Variants in PLCG2 observed in about 807,000 individuals in gnomAD.
PLCG2 encodes the protein phospholipase C gamma 2.
In PLCG2, 69 loss-of-function variants were observed where a neutral mutation model predicts 175.6. That is an observed-to-expected ratio of 0.39 (90% CI 0.32 to 0.48). The LOEUF (loss-of-function observed/expected upper bound fraction) is 0.48. PLCG2 is among the 20% of genes least tolerant of loss of function. The pLI, the probability that PLCG2 is intolerant of heterozygous loss-of-function variation, is 0.91. For synonymous variants in PLCG2, 827 were observed against 624.0 expected (o/e 1.33, Z -4.85); for missense variants, 1,798 against 1,650.9 (o/e 1.09, Z -1.54).
At chr16:81,838,613 G>T (rs1293204984) in intron 2 of PLCG2, among the ~76,000 whole-genome samples, 1 of 151,892 alleles carries the variant, frequency 6.6e-6, no homozygotes, top group East Asian at 1.9e-4. Flanking sequence ...CTGTCAGGGG[G>T]TGGGGGCAAG....
At chr16:81,848,888 C>T (rs1906258419) in intron 2 of PLCG2, among the ~76,000 whole-genome samples, 2 of 152,158 alleles carry the variant, frequency 1.3e-5, no homozygotes. Flanking sequence ...TGGTATAGAT[C>T]ATAGCAGGCA....
chr16:81,808,715 G>C (rs372782604), intron 2 of PLCG2, among the ~76,000 whole-genome samples: 121 of 152,018 alleles, frequency 8.0e-4, no homozygotes, highest in African/African-American at 2.5e-3. Flanking sequence ...GGATGGTCTC[G>C]ATCTCCTGAC....
At chr16:81,793,653 G>A (rs1190087386) in intron 2 of PLCG2, among the ~76,000 whole-genome samples, 1 of 152,178 alleles carries the variant, frequency 6.6e-6, no homozygotes, top group Non-Finnish European at 1.5e-5. Context: ...TTGGTATTAG[G>A]TTCTTGGGGT....
chr16:81,789,624 T>C (rs536474117), intron 2 of PLCG2, among the ~76,000 whole-genome samples: 2 of 152,342 alleles, frequency 1.3e-5, no homozygotes, highest in Admixed American at 1.3e-4. Flanking sequence ...TCAGCCTCTT[T>C]ATTTCCTTCT....
At chr16:81,785,496 ATTT>A (rs10555890) in intron 1 of PLCG2, among the ~76,000 whole-genome samples, 6,978 of 147,466 alleles carry the variant, frequency 0.047, 186 homozygotes, top group South Asian at 0.06. Context: ...CGTTTATTTC[ATTT>A]TTTTTTTTTT....
At chr16:81,853,260 G>C (rs1336713284) in intron 2 of PLCG2, among the ~76,000 whole-genome samples, 1 of 152,136 alleles carries the variant, frequency 6.6e-6, no homozygotes, top group African/African-American at 2.4e-5. Flanking sequence ...GAACCTGGGA[G>C]GCAGACGTTG....
At chr16:81,925,834 C>G (rs1156465936) in intron 22 of PLCG2, among the ~76,000 whole-genome samples, 2 of 150,006 alleles carry the variant, frequency 1.3e-5, no homozygotes, top group East Asian at 3.9e-4. Flanking sequence ...TTGCAGTGAG[C>G]TGAGATCGTG....
chr16:81,941,452 C>G (rs369701327), intron 30 of PLCG2, among the ~76,000 whole-genome samples: 1 of 152,162 alleles, frequency 6.6e-6, no homozygotes, highest in East Asian at 1.9e-4. Flanking sequence ...TTGGATGGCA[C>G]TTTGACAGAA....
intron 2 of PLCG2, among the ~76,000 whole-genome samples, chr16:81,850,474 G>A (rs1205271605): frequency 6.6e-6 from 1 of 152,170 alleles, no homozygotes; most frequent in Non-Finnish European, 1.5e-5. Context: ...GTGAAGAGTG[G>A]CGACATGTCC....
chr16:81,744,208 A>C (rs1909658113), intron 1 of PLCG2, among the ~76,000 whole-genome samples: 2 of 122,802 alleles, frequency 1.6e-5, no homozygotes, highest in Non-Finnish European at 3.3e-5. Flanking sequence ...TCACTCTGTC[A>C]CCAGGCTGGT....
chr16:81,928,792 G>T, intron 24 of PLCG2, 168 bp downstream of exon 24: 1 of 577,320 alleles, frequency 1.7e-6, no homozygotes. Flanking sequence ...TGAGTATGAT[G>T]CTATGTCTGC....
In PLCG2 at chr16:81,824,046, TTCCTGTCCTG is replaced by T. The variant is rs71146049; in HGVS notation, c.194-30358_194-30349del. ...TTCCTTTCCTTTCCTTTCCTTTCCTTTCCTGTCCTGTCCTGTCCTGTCCTGTCCTGTCCTG... is the reference window on the plus strand; with the variant it reads ...TTCCTTTCCTTTCCTTTCCTTTCCTTTCCTGTCCTGTCCTGTCCTGTCCTG... On this transcript the variant is annotated intron_variant, in intron 2 of 32. Coordinates refer to ENST00000564138, the MANE Select transcript of PLCG2 (RefSeq NM_002661.5). Among the ~76,000 whole-genome samples, 190 of 108,706 alleles carry T rather than the reference TTCCTGTCCTG, an allele frequency of 1.7e-3. 2 individuals are homozygous for T. The highest frequency in any genetic ancestry group is 1.9e-3 in the Non-Finnish European group (112 of 58,366). The allele number at this position is 108,706 out of a possible 152,430, so 71.3% of individuals were successfully genotyped here.
intron 2 of PLCG2, among the ~76,000 whole-genome samples, chr16:81,763,891 C>CAGG: frequency 6.6e-6 from 1 of 152,030 alleles, no homozygotes; most frequent in East Asian, 1.9e-4. Context: ...CGCTTGAACC[C>CAGG]AGGAGTCGGA....
intron 2 of PLCG2, among the ~76,000 whole-genome samples, chr16:81,803,676 C>T (rs1911861557): frequency 1.2e-5 from 1 of 85,424 alleles, no homozygotes; most frequent in Non-Finnish European, 2.4e-5. Flanking sequence ...TTCCTTCCTT[C>T]CTTCCTTTTC....
At chr16:81,796,231 C>T (rs780014309) in intron 2 of PLCG2, among the ~76,000 whole-genome samples, 2 of 152,244 alleles carry the variant, frequency 1.3e-5, no homozygotes, top group African/African-American at 2.4e-5. Flanking sequence ...GGGTTTCTCT[C>T]ACAGATGTGG....
intron 2 of PLCG2, among the ~76,000 whole-genome samples, chr16:81,808,173 G>A (rs191043556): frequency 1.4e-4 from 22 of 152,348 alleles, no homozygotes; most frequent in Middle Eastern, 3.4e-3. Flanking sequence ...GAATTGCTGG[G>A]CCATGCAGTA....
chr16:81,927,223 A>T (rs759359815), intron 23 of PLCG2, 45 bp downstream of exon 23: 1 of 1,342,814 alleles, frequency 7.4e-7, no homozygotes, highest in Non-Finnish European at 1.1e-6. Context: ...AGGGATCTGC[A>T]GGTCCAGTTT....
At chr16:81,940,770 C>T (rs1165629786) in intron 30 of PLCG2, among the ~76,000 whole-genome samples, 1 of 152,156 alleles carries the variant, frequency 6.6e-6, no homozygotes, top group Non-Finnish European at 1.5e-5. Context: ...TAGAGCCAGT[C>T]ATTTACAAAA....
chr16:81,876,132 T>C (rs9935242), intron 7 of PLCG2, among the ~76,000 whole-genome samples: 1,970 of 150,600 alleles, frequency 0.013, 48 homozygotes, highest in African/African-American at 0.042. Context: ...CTCAGATGAT[T>C]CTCCCACCTC....
Sources: allele counts gnomAD v4.1 joint callset (sites outside exome capture counted in the v4.1 genomes callset), GRCh38; gene constraint gnomAD v4.1.1; transcripts MANE v1.5; gene names NCBI Gene and HGNC (gene_info 2026-07-23, HGNC 2026-07-21).